Variants in DDX42 observed in about 807,000 individuals in gnomAD.
The protein encoded by DDX42 is ATP-dependent RNA helicase DDX42.
A neutral mutation model predicts 101.5 loss-of-function variants in DDX42; 22 were observed. The ratio of observed to expected loss-of-function variants is 0.22; its 90% CI spans 0.15 to 0.31. The LOEUF is 0.31. Among genes scored for constraint, DDX42 ranks in the 10% least tolerant of loss-of-function variants. The probability of loss-of-function intolerance (pLI) is 1.00; values close to 1 mark genes in which losing one functional copy is unlikely to be tolerated. For missense variants in DDX42, 849 were observed against 1,199.9 expected (o/e 0.71, Z 4.32); for synonymous variants, 402 against 401.2 (o/e 1.00, Z -0.02).
chr17:63,805,140 C>T lies in DDX42; in HGVS notation c.691C>T (p.Gln231Ter). The change falls in exon 7 of 18, where the codon CAG (glutamine) becomes TAG (stop). Residue 231 changes from glutamine to a stop codon, truncating the protein, a stop_gained. Transcript: ENST00000389924. LOFTEE classifies it high-confidence loss of function. ...AGAGATAACCAACCTCACTCCACAG[C>T]AGTTAATAGATCTCCGGCATAAGCT... The part of the protein sequence containing the change: ...HEEITNLTPQ[Q>*]LIDLRHKLNL... 1 of 1,613,262 alleles carries T rather than the reference C, an allele frequency of 6.2e-7. No homozygotes were observed. The highest frequency in any genetic ancestry group is 8.5e-7 in the Non-Finnish European group (1 of 1,179,842).
At chr17:63,801,935 C>T (rs779562262) in intron 6 of DDX42, among the ~76,000 whole-genome samples, 15 of 152,216 alleles carry the variant, frequency 9.9e-5, no homozygotes, top group Non-Finnish European at 1.9e-4. Context: ...CGAGATCTCA[C>T]ATACACTAAT....
intron 3 of DDX42, among the ~76,000 whole-genome samples, chr17:63,795,317 A>G (rs750438501): frequency 1.3e-5 from 2 of 152,138 alleles, no homozygotes; most frequent in South Asian, 2.1e-4. Flanking sequence ...CCTTGAGGCC[A>G]CTGTTTATAG....
Position 63,806,551 on chromosome 17 carries a change from C to T in DDX42, c.743C>T (p.Pro248Leu). 4 of 1,612,628 alleles carry T rather than the reference C, an allele frequency of 2.5e-6. No homozygotes were observed. The highest frequency in any genetic ancestry group is 3.4e-6 in the Non-Finnish European group (4 of 1,179,482). ...KLNLRVSGAAPPRPGSSFAHF... is the reference protein window; with the variant it reads ...KLNLRVSGAALPRPGSSFAHF... The stretch of plus-strand genomic sequence containing the variant: ...TATCTCTAGGTCTCTGGTGCTGCAC[C>T]TCCTAGACCAGGAAGTAGCTTTGCT... Residue 248 changes from proline to leucine, a missense_variant, in exon 8 of 18, where the codon CCT becomes CTT. By Grantham distance (98) the Pro-to-Leu change is moderately conservative. Coordinates refer to ENST00000389924, the MANE Select transcript of DDX42 (RefSeq NM_203499.3).
Position 63,818,170 on chromosome 17 carries a change from A to G in DDX42, c.2589A>G (p.Arg863=), listed in dbSNP as rs779157886. 62 of 1,613,876 alleles carry G rather than the reference A, an allele frequency of 3.8e-5. 1 individual carries two copies. In the Admixed American group the frequency reaches 1.0e-3, roughly 26 times the overall value. Residue 863 remains arginine, a synonymous_variant, in exon 18 of 18, where the codon AGA becomes AGG. Coordinates refer to ENST00000389924, the MANE Select transcript of DDX42 (RefSeq NM_203499.3). ...ATGGCCATCGGCACGGGGAGAACAG[A>G]CATGGAGGAAGCGCAGGCCGGCATG... ...HTDGHRHGEN[R]HGGSAGRHGE...
rs774488957 is a variant in DDX42 at position 63,813,301 on chromosome 17, G to A, written c.1749G>A (p.Thr583=). The change falls in exon 15 of 18, where the codon ACG becomes ACA. Residue 583 remains threonine, a synonymous_variant. Transcript: ENST00000389924. ...YDVARDIDTH[T]HRIGRTGRAG... ...TGGCACGAGACATTGATACCCACAC[G>A]CATAGGATTGGCCGCACAGGAAGAG... 1.2e-5 allele frequency: 19 copies of A among 1,614,014 alleles called. No homozygotes were observed. Among genetic ancestry groups the A allele is most frequent in the South Asian group, 6.6e-5 (6 of 91,088 alleles).
In DDX42 at chr17:63,810,349, C is replaced by T. The variant is rs536336180; in HGVS notation, c.1253-164C>T. The T allele has an allele frequency of 5.5e-5, 32 of 585,122 alleles. 1 individual carries two copies. In the South Asian group the frequency reaches 6.3e-4, roughly 12 times the overall value. 36.2% of individuals were successfully genotyped at this position (585,122 alleles called of 1,614,324 possible). ...CAAGTGATCCGCCTGCTTCGGCCTC[C>T]GAAAGTGCTAGGATTACAGGCATGA... On this transcript the variant is annotated intron_variant, in intron 11 of 17. Coordinates refer to ENST00000389924, the MANE Select transcript of DDX42 (RefSeq NM_203499.3).
At chr17:63,799,659 T>C (rs372324483) in intron 5 of DDX42, 34 bp downstream of exon 5, 46 of 1,606,018 alleles carry the variant, frequency 2.9e-5, no homozygotes, top group African/African-American at 2.1e-4. Flanking sequence ...ATCTTTTATT[T>C]TTATCCACAA....
chr17:63,792,396 G>T lies in DDX42; in HGVS notation c.222-16G>T. ...AAGTAAGCATTCACTTTACCAGTTT[G>T]CTTTCTAATTCTCAGCTATTTTGAA... On this transcript the variant is annotated splice_polypyrimidine_tract_variant and intron_variant, in intron 2 of 17. Transcript: ENST00000389924. The T allele has an allele frequency of 6.2e-7, 1 of 1,607,822 alleles. No homozygotes were observed. Among genetic ancestry groups the T allele is most frequent in the Non-Finnish European group, 8.5e-7 (1 of 1,176,800 alleles).
chr17:63,817,256 A>C (rs189776990), intron 17 of DDX42: 363 of 374,936 alleles, frequency 9.7e-4, no homozygotes, highest in African/African-American at 6.9e-3. Context: ...AGTGTTGCCC[A>C]CCTCCCAGGC....
intron 15 of DDX42, among the ~76,000 whole-genome samples, chr17:63,814,362 C>T (rs1050720348): frequency 6.6e-6 from 1 of 152,214 alleles, no homozygotes; most frequent in East Asian, 1.9e-4. Context: ...CCTAGGCCAG[C>T]TCACACAACT....
chr17:63,797,529 A>G (rs1239823054), intron 3 of DDX42, among the ~76,000 whole-genome samples: 1 of 151,996 alleles, frequency 6.6e-6, no homozygotes, highest in Non-Finnish European at 1.5e-5. Context: ...GTATTGTAGA[A>G]TGTTTAGTAG....
chr17:63,792,292 AT>A (rs2039637698), intron 2 of DDX42, 119 bp from the exon 3 acceptor site: 4 of 1,106,608 alleles, frequency 3.6e-6, no homozygotes, highest in Non-Finnish European at 5.0e-6. Context: ...GAGGTCTCTA[AT>A]TTGATCTGCA....
At chr17:63,777,097 CA>C (rs928945877) in intron 1 of DDX42, among the ~76,000 whole-genome samples, 2 of 150,864 alleles carry the variant, frequency 1.3e-5, no homozygotes, top group African/African-American at 4.9e-5. Context: ...TTTGTAAAGA[CA>C]GGGTTTTATT....
rs2040008905 is a variant in DDX42, at chr17:63,818,539, C to G, written c.*141C>G. ...GAGAGCTGGAGCTTGGAGACATTAC[C>G]CCTTCATCAGAAGGAATTTTCGGAT... On this transcript the variant is annotated 3_prime_UTR_variant, in exon 18 of 18. Transcript: ENST00000389924. 1.4e-6 allele frequency: 1 copy of G among 732,442 alleles called. No homozygotes were observed. The highest frequency in any genetic ancestry group is 2.2e-6 in the Non-Finnish European group (1 of 464,610). The allele number at this position is 732,442 out of a possible 1,614,324, so 45.4% of individuals were successfully genotyped here.
intron 3 of DDX42, among the ~76,000 whole-genome samples, chr17:63,794,008 C>G (rs138916559): frequency 1.6e-3 from 239 of 152,190 alleles, no homozygotes; most frequent in South Asian, 5.2e-3. Flanking sequence ...TCCTGAAGGT[C>G]TAGCTGTTTC....
chr17:63,785,485 G>A (rs1332592818), intron 1 of DDX42, among the ~76,000 whole-genome samples: 1 of 151,402 alleles, frequency 6.6e-6, no homozygotes, highest in Non-Finnish European at 1.5e-5. Context: ...TTTTGGGCCA[G>A]GTGCAGTGGC....
intron 8 of DDX42, 124 bp downstream of exon 8, chr17:63,806,778 A>C: frequency 9.5e-7 from 1 of 1,057,032 alleles, no homozygotes; most frequent in Admixed American, 3.7e-5. Context: ...GGATAGAGGT[A>C]TTTATCACTC....
At chr17:63,779,959 G>A (rs2039466677) in intron 1 of DDX42, among the ~76,000 whole-genome samples, 1 of 152,122 alleles carries the variant, frequency 6.6e-6, no homozygotes, top group Non-Finnish European at 1.5e-5. Context: ...ACAAATCTCT[G>A]TGATTGTCAA....
In DDX42 at chr17:63,818,296, C is replaced by A. The variant is rs2040004904; in HGVS notation, c.2715C>A (p.Asp905Glu). 1 of 1,613,884 alleles carries A rather than the reference C, an allele frequency of 6.2e-7. No individual in the cohort carries two copies. The highest frequency in any genetic ancestry group is 1.3e-5 in the African/African-American group (1 of 74,910). The part of the protein sequence containing the change: ...KMEPKMEPKV[D>E]SSKMDKVDSK... ...AGCCCAAGATGGAACCCAAAGTGGA[C>A]AGCAGCAAGATGGACAAGGTGGACA... The change falls in exon 18 of 18, where the codon GAC becomes GAA. Residue 905 changes from aspartate to glutamate, a missense_variant. Asp to Glu is a conservative substitution (Grantham distance 45, BLOSUM62 2). Around this residue, in one of 5 missense-constraint regions of DDX42, gnomAD observed 300 missense variants for 304.9 expected, o/e 0.98. Transcript: ENST00000389924.
Sources: allele counts gnomAD v4.1 joint callset (sites outside exome capture counted in the v4.1 genomes callset), GRCh38; gene constraint gnomAD v4.1.1; regional missense constraint gnomAD v4.1.1; transcripts MANE v1.5; gene names NCBI Gene and HGNC (gene_info 2026-07-23, HGNC 2026-07-21).